The following RBFOX1 variants were observed in gnomAD, a reference collection of about 807,000 sequenced individuals.
RBFOX1 encodes RNA binding fox-1 homolog 1, also known as RNA binding protein fox-1 homolog 1.
A neutral mutation model predicts 57.7 loss-of-function variants in RBFOX1; 8 were observed. That is an observed-to-expected ratio of 0.14 (90% CI 0.08 to 0.25). RBFOX1 has a LOEUF of 0.25. Ranked by LOEUF, RBFOX1 falls within the 10% of genes least tolerant of loss-of-function variation. RBFOX1 has a pLI of 1.00. For synonymous variants in RBFOX1, 326 were observed against 222.4 expected, an observed-to-expected ratio of 1.47 and a Z score of -4.15; for missense variants, 611 against 548.5, an observed-to-expected ratio of 1.11 and a Z score of -1.14.
chr16:5,565,263 G>T (rs192931541), intron 2 of RBFOX1, among the ~76,000 whole-genome samples: 1 of 152,164 alleles, frequency 6.6e-6, no homozygotes, highest in South Asian at 2.1e-4. Context: ...ACTGGTGTGT[G>T]TGTGTGCGTG....
chr16:7,558,261 G>A (rs1678225425), intron 5 of RBFOX1, among the ~76,000 whole-genome samples: 1 of 152,008 alleles, frequency 6.6e-6, no homozygotes, highest in Admixed American at 6.6e-5. Context: ...GGCTGAGGTG[G>A]GAGGATCACT....
chr16:6,931,344 C>CTGTCT (rs1168215526), intron 3 of RBFOX1, among the ~76,000 whole-genome samples: 1,408 of 115,710 alleles, frequency 0.012, 18 homozygotes, highest in Non-Finnish European at 0.018. Flanking sequence ...TATCTCTACA[C>CTGTCT]ACACACACAC....
At chr16:7,674,380 G>A (rs2072606875) in intron 13 of RBFOX1, among the ~76,000 whole-genome samples, 2 of 152,224 alleles carry the variant, frequency 1.3e-5, no homozygotes, top group African/African-American at 2.4e-5. Flanking sequence ...CCTTTCAAGA[G>A]TTCAATAGTC....
intron 3 of RBFOX1, among the ~76,000 whole-genome samples, chr16:6,764,656 G>T (rs535036000): frequency 6.6e-6 from 1 of 152,298 alleles, no homozygotes; most frequent in South Asian, 2.1e-4. Context: ...AAATGCATGG[G>T]CTGGGTGCAG....
intron 4 of RBFOX1, among the ~76,000 whole-genome samples, chr16:7,195,165 G>A (rs576137105): frequency 6.6e-6 from 1 of 152,174 alleles, no homozygotes; most frequent in South Asian, 2.1e-4. Flanking sequence ...ATTTCTTGTT[G>A]GACCAGCCAT....
intron 4 of RBFOX1, among the ~76,000 whole-genome samples, chr16:5,894,347 G>A (rs1217726400): frequency 6.6e-6 from 1 of 152,184 alleles, no homozygotes; most frequent in African/African-American, 2.4e-5. Context: ...CAGTGGCACA[G>A]TTTTGGCTCA....
At chr16:6,411,821 T>G (rs2093466116) in intron 2 of RBFOX1, among the ~76,000 whole-genome samples, 1 of 152,144 alleles carries the variant, frequency 6.6e-6, no homozygotes, top group Admixed American at 6.5e-5. Flanking sequence ...TTAAAATATT[T>G]TCTCAATAAA....
At chr16:5,980,929 G>A (rs2152310009) in intron 4 of RBFOX1, among the ~76,000 whole-genome samples, 1 of 152,256 alleles carries the variant, frequency 6.6e-6, no homozygotes, top group East Asian at 1.9e-4. Context: ...TGTGCCACAA[G>A]TAGGGTTTCC....
intron 3 of RBFOX1, among the ~76,000 whole-genome samples, chr16:6,896,453 A>G (rs1018091189): frequency 2.6e-5 from 4 of 151,966 alleles, no homozygotes; most frequent in African/African-American, 9.7e-5. Flanking sequence ...CTATCCTTCT[A>G]CTGTCTATGT....
At chr16:6,127,298 AT>A (rs926229119) in intron 1 of RBFOX1, among the ~76,000 whole-genome samples, 1 of 151,712 alleles carries the variant, frequency 6.6e-6, no homozygotes, top group African/African-American at 2.4e-5. Flanking sequence ...AAAAAAAAAA[AT>A]TGTTTTCCAG....
chr16:6,876,682 G>A (rs530521554), intron 3 of RBFOX1, among the ~76,000 whole-genome samples: 12 of 151,978 alleles, frequency 7.9e-5, no homozygotes, highest in African/African-American at 2.9e-4. Flanking sequence ...CTTAATCTTG[G>A]CTGGAACCAA....
chr16:6,963,238 CA>C (rs1199003232), intron 3 of RBFOX1, among the ~76,000 whole-genome samples: 1 of 151,986 alleles, frequency 6.6e-6, no homozygotes, highest in Non-Finnish European at 1.5e-5. Flanking sequence ...TCAAAAGCAG[CA>C]TTTGTGTTGG....
chr16:6,155,208 C>T (rs2343524), intron 1 of RBFOX1, among the ~76,000 whole-genome samples: 83,766 of 152,064 alleles, frequency 0.55, 24,278 homozygotes, highest in Admixed American at 0.65. Context: ...TTGGACATTA[C>T]AATCTGCCAT....
At chr16:6,717,412 A>G (rs750923294) in intron 3 of RBFOX1, among the ~76,000 whole-genome samples, 84 of 152,138 alleles carry the variant, frequency 5.5e-4, no homozygotes, top group Admixed American at 2.8e-3. Context: ...CTACTACAGC[A>G]TAAGAAACTT....
chr16:7,370,286 G>T (rs1289437105), intron 4 of RBFOX1, among the ~76,000 whole-genome samples: 4 of 152,132 alleles, frequency 2.6e-5, no homozygotes, highest in Non-Finnish European at 4.4e-5. Context: ...TACCCATTAA[G>T]ACAAAATACT....
intron 5 of RBFOX1, among the ~76,000 whole-genome samples, chr16:7,532,594 G>C (rs1467388392): frequency 1.3e-5 from 2 of 152,154 alleles, no homozygotes; most frequent in African/African-American, 2.4e-5. Flanking sequence ...CCCCTTAGCA[G>C]CTCTTCCTTT....
At chr16:6,813,023 A>C (rs1479362720) in intron 3 of RBFOX1, among the ~76,000 whole-genome samples, 2 of 152,282 alleles carry the variant, frequency 1.3e-5, no homozygotes, top group South Asian at 4.1e-4. Flanking sequence ...ACTTTATTTC[A>C]CAAAAGACCT....
At chr16:5,354,725 G>C (rs1293544833) in intron 1 of RBFOX1, among the ~76,000 whole-genome samples, 3 of 152,182 alleles carry the variant, frequency 2.0e-5, no homozygotes, top group Non-Finnish European at 4.4e-5. Context: ...CCTTCTGATA[G>C]GACAAACGTT....
chr16:5,815,866 G>T (rs1359639106), intron 3 of RBFOX1, among the ~76,000 whole-genome samples: 1 of 152,154 alleles, frequency 6.6e-6, no homozygotes, highest in Non-Finnish European at 1.5e-5. Context: ...TGGGGGCAGG[G>T]GCTGGGAGCC....
Sources: allele counts gnomAD v4.1 joint callset (sites outside exome capture counted in the v4.1 genomes callset), GRCh38; gene constraint gnomAD v4.1.1; transcripts MANE v1.5; gene names NCBI Gene and HGNC (gene_info 2026-07-23, HGNC 2026-07-21).